SATB1: variants seen among roughly 807,000 people sequenced by gnomAD.
SATB1 encodes DNA-binding protein SATB1.
In SATB1, 11 loss-of-function variants were observed where a neutral mutation model predicts 86.9. The ratio of observed to expected loss-of-function variants is 0.13; its 90% CI spans 0.08 to 0.21. The LOEUF (loss-of-function observed/expected upper bound fraction) is 0.21, where lower values mean the gene tolerates loss of function less well. Ranked by LOEUF, SATB1 falls within the 10% of genes least tolerant of loss-of-function variation. The pLI is 1.00. For missense variants in SATB1, 551 were observed against 937.6 expected (o/e 0.59, Z 5.39); for synonymous variants, 357 against 357.2 (o/e 1.00, Z 0.01).
chr3:18,377,848 A>G (rs1404765159), intron 9 of SATB1, among the ~76,000 whole-genome samples: 1 of 152,192 alleles, frequency 6.6e-6, no homozygotes, highest in African/African-American at 2.4e-5. Flanking sequence ...ATGAAATAAT[A>G]GTAATTCACA....
At chr3:18,373,743 A>G (rs1336673655) in intron 9 of SATB1, among the ~76,000 whole-genome samples, 1 of 152,194 alleles carries the variant, frequency 6.6e-6, no homozygotes, top group Non-Finnish European at 1.5e-5. Flanking sequence ...ATGACAAACA[A>G]AAGTGACTGA....
chr3:18,375,922 A>G (rs913183739), intron 9 of SATB1, among the ~76,000 whole-genome samples: 2 of 152,182 alleles, frequency 1.3e-5, no homozygotes, highest in Non-Finnish European at 2.9e-5. Context: ...CCCATAGCCC[A>G]CTATTGGCCC....
At chr3:18,411,406 A>C (rs1697835475) in intron 5 of SATB1, among the ~76,000 whole-genome samples, 2 of 152,104 alleles carry the variant, frequency 1.3e-5, no homozygotes. Flanking sequence ...ACGCTGGTAG[A>C]AGTAATAGCT....
chr3:18,395,285 T>C (rs1284349213), intron 6 of SATB1, among the ~76,000 whole-genome samples: 1 of 152,166 alleles, frequency 6.6e-6, no homozygotes, highest in African/African-American at 2.4e-5. Flanking sequence ...ATTTGCTTAA[T>C]GACAACTACA....
chr3:18,394,397 A>G lies in SATB1; in HGVS notation c.1206+65T>C. On this transcript the variant is annotated intron_variant, in intron 7 of 10. Coordinates refer to ENST00000338745, the MANE Select transcript of SATB1 (RefSeq NM_002971.6). The surrounding 1 kb of genome is among the most constrained non-coding windows in gnomAD (Gnocchi z 5.9). ...AGAAGTAAAAGAATAAACTTTAGTT[A>G]TAGATGGGACTAAAGAAAGAGAAAA... 7.6e-7 allele frequency: 1 copy of G among 1,314,568 alleles called. No individual in the cohort carries two copies. Among genetic ancestry groups the G allele is most frequent in the Non-Finnish European group, 1.1e-6 (1 of 917,456 alleles). The allele number at this position is 1,314,568 out of a possible 1,614,324, so 81.4% of individuals were successfully genotyped here. A position where few individuals can be genotyped will look rare whatever the true frequency, so the allele number is the denominator to read the frequency against.
chr3:18,401,751 C>G (rs1295101098), intron 5 of SATB1, among the ~76,000 whole-genome samples: 1 of 152,114 alleles, frequency 6.6e-6, no homozygotes, highest in Non-Finnish European at 1.5e-5. Flanking sequence ...ACACAATATT[C>G]TCATCCTAGG....
Position 18,420,749 on chromosome 3 carries a change from G to A in SATB1, c.211+8C>T, listed in dbSNP as rs768871978. 1.2e-6 allele frequency: 2 copies of A among 1,611,372 alleles called. No homozygotes were observed. The highest frequency in any genetic ancestry group is 1.7e-6 in the Non-Finnish European group (2 of 1,178,588). On this transcript the variant is annotated splice_region_variant and intron_variant, in intron 2 of 10. Transcript: ENST00000338745. ...CAGCTTTTCAAGATTTGGCTTGAAG[G>A]TATTTACCTTTCCTAAGGTTGGTTT...
chr3:18,440,384 A>G (rs1421954986), upstream of SATB1, among the ~76,000 whole-genome samples: 2 of 152,136 alleles, frequency 1.3e-5, no homozygotes, highest in Non-Finnish European at 2.9e-5. Context: ...ACTCCTCTCG[A>G]CCCCTATCCC....
chr3:18,382,674 C>T (rs1404995280), intron 8 of SATB1, among the ~76,000 whole-genome samples: 1 of 152,168 alleles, frequency 6.6e-6, no homozygotes, highest in Non-Finnish European at 1.5e-5. Flanking sequence ...TCCCCACAAT[C>T]CCAGAAATGC....
At chr3:18,413,385 T>C (rs1697960833) in intron 5 of SATB1, among the ~76,000 whole-genome samples, 1 of 152,126 alleles carries the variant, frequency 6.6e-6, no homozygotes, top group Non-Finnish European at 1.5e-5. Context: ...CCTTAAGTAT[T>C]TGTCTGAATA....
At chr3:18,417,425 A>T in intron 2 of SATB1, 1 of 566,364 alleles carries the variant, frequency 1.8e-6, no homozygotes, top group Non-Finnish European at 3.1e-6. Context: ...CTAATTTGCT[A>T]TGAGTAGTAT....
chr3:18,351,741 C>G, intron 10 of SATB1: 1 of 538,450 alleles, frequency 1.9e-6, no homozygotes, highest in Admixed American at 3.2e-5. Context: ...ACACATTTGC[C>G]AAACGAGTGT....
At chr3:18,398,175 A>G (rs764968472) in intron 5 of SATB1, among the ~76,000 whole-genome samples, 1 of 152,190 alleles carries the variant, frequency 6.6e-6, no homozygotes, top group Admixed American at 6.6e-5. Flanking sequence ...AAAAATGAAG[A>G]AAAACATGAT....
upstream of SATB1, among the ~76,000 whole-genome samples, chr3:18,426,070 GA>G (rs573682747): frequency 1.6e-3 from 240 of 152,324 alleles, 4 homozygotes; most frequent in Admixed American, 0.014. This position sits in a 1 kb window ranked among gnomAD's most constrained non-coding sequence, Gnocchi z 4.2. Flanking sequence ...GAGCCATCAG[GA>G]AGTGGCTGGA....
At chr3:18,430,896 T>C (rs1698867690) in intron 2 of SATB1, among the ~76,000 whole-genome samples, 1 of 152,194 alleles carries the variant, frequency 6.6e-6, no homozygotes, top group African/African-American at 2.4e-5. Context: ...AAAAACCCAA[T>C]GTTTATGTTT....
At chr3:18,405,007 C>T (rs900341243) in intron 5 of SATB1, among the ~76,000 whole-genome samples, 1 of 151,916 alleles carries the variant, frequency 6.6e-6, no homozygotes, top group Non-Finnish European at 1.5e-5. Flanking sequence ...AAAAAAGATT[C>T]AATTGTAACG....
intron 6 of SATB1, among the ~76,000 whole-genome samples, chr3:18,395,250 T>A (rs974373159): frequency 6.6e-6 from 1 of 152,206 alleles, no homozygotes; most frequent in Non-Finnish European, 1.5e-5. Flanking sequence ...CAACAATTTT[T>A]AAAAATGGCT....
chr3:18,359,857 C>A (rs1703349113), intron 9 of SATB1, among the ~76,000 whole-genome samples: 1 of 151,728 alleles, frequency 6.6e-6, no homozygotes, highest in Non-Finnish European at 1.5e-5. Flanking sequence ...GTAACATTTT[C>A]ATCAGTTTTC....
intron 9 of SATB1, among the ~76,000 whole-genome samples, chr3:18,359,815 A>C (rs371983842): frequency 6.6e-6 from 1 of 151,926 alleles, no homozygotes; most frequent in Non-Finnish European, 1.5e-5. Flanking sequence ...ATTAAAAAAA[A>C]CAGAAAACTC....
Sources: allele counts gnomAD v4.1 joint callset (sites outside exome capture counted in the v4.1 genomes callset), GRCh38; gene constraint gnomAD v4.1.1; non-coding constraint Gnocchi (gnomAD v3.1); transcripts MANE v1.5; gene names NCBI Gene and HGNC (gene_info 2026-07-23, HGNC 2026-07-21).